Variants in ANO3 observed in about 807,000 individuals in gnomAD.
ANO3 encodes the protein anoctamin-3.
ANO3 carries 99 observed loss-of-function variants against 144.8 expected under a neutral mutation model. The observed-to-expected ratio is 0.68, with a 90% CI of 0.58 to 0.81. The LOEUF is 0.81. Among genes scored for constraint, ANO3 ranks in the 30% least tolerant of loss-of-function variants. The pLI, the probability that ANO3 is intolerant of heterozygous loss-of-function variation, is 0.00. For missense variants in ANO3, 905 were observed against 1,202.2 expected (o/e 0.75, Z 3.66); for synonymous variants, 414 against 392.6 (o/e 1.05, Z -0.64).
intron 1 of ANO3, among the ~76,000 whole-genome samples, chr11:26,293,554 T>TATAC (rs2133856007): frequency 7.4e-6 from 1 of 135,010 alleles, no homozygotes; most frequent in East Asian, 2.1e-4. Context: ...TATATATATA[T>TATAC]ATATATATAT....
intron 4 of ANO3, among the ~76,000 whole-genome samples, chr11:26,503,197 C>A (rs1861269178): frequency 6.6e-6 from 1 of 152,096 alleles, no homozygotes; most frequent in African/African-American, 2.4e-5. Context: ...TTTATTCTGT[C>A]CCCTAGAAAC....
chr11:26,408,873 G>A (rs1857359642), intron 1 of ANO3, among the ~76,000 whole-genome samples: 1 of 151,536 alleles, frequency 6.6e-6, no homozygotes, highest in Admixed American at 6.6e-5. Context: ...ACTATCGCAA[G>A]GACAAAAAAC....
chr11:26,460,282 T>C (rs1017253724), intron 3 of ANO3: 2 of 297,646 alleles, frequency 6.7e-6, no homozygotes, highest in Non-Finnish European at 1.3e-5. Context: ...CTTTCCAACT[T>C]TTAGGTTCAA....
intron 5 of ANO3, among the ~76,000 whole-genome samples, chr11:26,513,614 C>T (rs1156647309): frequency 1.3e-5 from 2 of 152,190 alleles, no homozygotes; most frequent in Non-Finnish European, 1.5e-5. Flanking sequence ...TCAGGAACCA[C>T]GATGTTTAAA....
chr11:26,328,847 G>A (rs1196351610), upstream of ANO3, among the ~76,000 whole-genome samples: 1 of 152,036 alleles, frequency 6.6e-6, no homozygotes, highest in Non-Finnish European at 1.5e-5. Flanking sequence ...GATAAAGTAT[G>A]AAAATGATAA....
intron 13 of ANO3, 123 bp downstream of exon 13, chr11:26,553,468 G>A: frequency 1.8e-6 from 1 of 546,638 alleles, no homozygotes; most frequent in Non-Finnish European, 3.2e-6. Context: ...CTTAATAAGT[G>A]CCATTGACAA....
intron 1 of ANO3, among the ~76,000 whole-genome samples, chr11:26,223,735 C>G (rs891101221): frequency 1.5e-4 from 23 of 151,872 alleles, no homozygotes; most frequent in African/African-American, 5.3e-4. Context: ...GACCTCAGGT[C>G]GTTTTTACTC....
chr11:26,526,869 G>A (rs1350077716), intron 7 of ANO3, among the ~76,000 whole-genome samples: 1 of 152,042 alleles, frequency 6.6e-6, no homozygotes, highest in East Asian at 1.9e-4. Context: ...GGTCTATGTA[G>A]CAAATTTCCA....
chr11:26,400,328 G>A (rs891013860), intron 1 of ANO3, among the ~76,000 whole-genome samples: 27 of 151,962 alleles, frequency 1.8e-4, no homozygotes, highest in African/African-American at 6.0e-4. Context: ...CTGACATAAG[G>A]CAGGTCCCTG....
intron 1 of ANO3, among the ~76,000 whole-genome samples, chr11:26,259,388 G>A (rs1323295466): frequency 6.6e-6 from 1 of 152,106 alleles, no homozygotes; most frequent in Admixed American, 6.5e-5. Flanking sequence ...GGTGGCTCAC[G>A]CCTATAATTC....
intron 1 of ANO3, among the ~76,000 whole-genome samples, chr11:26,255,635 G>A (rs762680313): frequency 3.3e-5 from 5 of 152,200 alleles, no homozygotes; most frequent in South Asian, 2.1e-4. Context: ...GGGGGGTTTT[G>A]GTCTCCTATG....
In ANO3 at chr11:26,332,158, G is replaced by A. The variant is rs1855064414; in HGVS notation, c.-118G>A. 1.3e-6 allele frequency: 2 copies of A among 1,584,882 alleles called. No homozygotes were observed. Among genetic ancestry groups the A allele is most frequent in the Admixed American group, 3.5e-5 (2 of 57,148 alleles). The stretch of plus-strand genomic sequence containing the variant: ...GAGCGAAGTGCCGGCTACAGCAGGT[G>A]TCGGATTGCAGTGCGCTCGCTGAGG... On this transcript the variant is annotated 5_prime_UTR_variant, in exon 1 of 27. Transcript: ENST00000256737.
chr11:26,215,809 A>G (rs1387404656), intron 1 of ANO3, among the ~76,000 whole-genome samples: 3 of 151,930 alleles, frequency 2.0e-5, no homozygotes, highest in Non-Finnish European at 4.4e-5. Flanking sequence ...CCATTACCAG[A>G]TAGATCACTA....
chr11:26,295,939 A>C (rs957467880), intron 1 of ANO3, among the ~76,000 whole-genome samples: 4 of 152,154 alleles, frequency 2.6e-5, no homozygotes, highest in African/African-American at 9.7e-5. Context: ...TTCTGTTTTT[A>C]TTCATAAACC....
chr11:26,334,082 G>C (rs144089502), intron 1 of ANO3, among the ~76,000 whole-genome samples: 1 of 152,176 alleles, frequency 6.6e-6, no homozygotes, highest in Non-Finnish European at 1.5e-5. Flanking sequence ...CTGTAGGTCC[G>C]ACCGTCATTG....
At chr11:26,205,547 C>A (rs1243159810) in intron 1 of ANO3, among the ~76,000 whole-genome samples, 1 of 152,170 alleles carries the variant, frequency 6.6e-6, no homozygotes, top group Non-Finnish European at 1.5e-5. Flanking sequence ...ATTGTCTGAA[C>A]AATGGATATT....
At chr11:26,195,437 G>C (rs1310710667) in intron 1 of ANO3, among the ~76,000 whole-genome samples, 5 of 152,144 alleles carry the variant, frequency 3.3e-5, no homozygotes, top group African/African-American at 9.7e-5. Flanking sequence ...CAGAAAAAAA[G>C]ACTTCCTGCT....
At chr11:26,526,421 C>A (rs1310280751) in intron 7 of ANO3, among the ~76,000 whole-genome samples, 1 of 152,058 alleles carries the variant, frequency 6.6e-6, no homozygotes, top group Middle Eastern at 3.2e-3. Context: ...GCCAAAGAAC[C>A]AGTTAACAAA....
intron 4 of ANO3, among the ~76,000 whole-genome samples, chr11:26,473,125 T>C (rs1859842079): frequency 6.6e-6 from 1 of 151,956 alleles, no homozygotes. Flanking sequence ...TTGTGTGAAG[T>C]TATTTTTTCT....
Sources: gnomAD v4.1 joint callset for allele counts (sites outside exome capture counted in the v4.1 genomes callset) on GRCh38, gnomAD v4.1.1 for gene constraint, MANE v1.5 for transcripts, NCBI Gene and HGNC (gene_info 2026-07-23, HGNC 2026-07-21) for gene names.